SH3D19: variants seen among roughly 807,000 people sequenced by gnomAD.
SH3D19 encodes SH3 domain containing 19.
In SH3D19, 58 loss-of-function variants were observed where a neutral mutation model predicts 112.1. The ratio of observed to expected loss-of-function variants is 0.52; its 90% CI spans 0.42 to 0.64. The LOEUF is 0.64. Among genes scored for constraint, SH3D19 ranks in the 30% least tolerant of loss-of-function variants. The pLI, the probability that SH3D19 is intolerant of heterozygous loss-of-function variation, is 0.00. For missense variants in SH3D19, 1,090 were observed against 1,263.4 expected, an observed-to-expected ratio of 0.86 and a Z score of 2.08; for synonymous variants, 391 against 448.5, an observed-to-expected ratio of 0.87 and a Z score of 1.62.
intron 8 of SH3D19, among the ~76,000 whole-genome samples, chr4:151,162,811 G>T (rs1219009547): frequency 6.6e-6 from 1 of 152,120 alleles, no homozygotes; most frequent in South Asian, 2.1e-4. Flanking sequence ...CTGACCTCAC[G>T]TGATCCACTT....
At chr4:151,287,373 T>C (rs1222764547) in intron 1 of SH3D19, among the ~76,000 whole-genome samples, 3 of 147,736 alleles carry the variant, frequency 2.0e-5, no homozygotes, top group Non-Finnish European at 4.5e-5. Context: ...AGGGAACACT[T>C]CCCAACTCAT....
intron 8 of SH3D19, among the ~76,000 whole-genome samples, chr4:151,163,535 T>C (rs904136518): frequency 6.6e-6 from 1 of 151,902 alleles, no homozygotes; most frequent in Non-Finnish European, 1.5e-5. Flanking sequence ...ATTTGTGGGC[T>C]ATATAATATT....
chr4:151,166,545 A>G (rs1049106774), intron 7 of SH3D19, among the ~76,000 whole-genome samples: 2 of 152,136 alleles, frequency 1.3e-5, no homozygotes, highest in Non-Finnish European at 1.5e-5. Context: ...ACAAAAATAA[A>G]AGAAAATGCT....
At chr4:151,159,878 C>T (rs1241147389) in intron 8 of SH3D19, among the ~76,000 whole-genome samples, 1 of 152,136 alleles carries the variant, frequency 6.6e-6, no homozygotes, top group East Asian at 1.9e-4. Flanking sequence ...CACAGTGCTA[C>T]ACTAGATAAT....
intron 1 of SH3D19, among the ~76,000 whole-genome samples, chr4:151,271,861 T>C (rs1166012738): frequency 2.0e-5 from 3 of 152,248 alleles, no homozygotes; most frequent in East Asian, 1.9e-4. Flanking sequence ...GATATTATTA[T>C]TCCTATTTTG....
intron 13 of SH3D19, among the ~76,000 whole-genome samples, chr4:151,138,696 A>T (rs1421753839): frequency 2.6e-5 from 3 of 115,374 alleles, no homozygotes; most frequent in African/African-American, 1.5e-4. Context: ...TCACACACAC[A>T]CACACACACA....
intron 1 of SH3D19, among the ~76,000 whole-genome samples, chr4:151,278,274 A>AT (rs571100331): frequency 1.9e-4 from 29 of 148,738 alleles, no homozygotes; most frequent in African/African-American, 4.7e-4. Flanking sequence ...TTCATAGAGC[A>AT]TTTTTTTTTT....
intron 1 of SH3D19, chr4:151,291,450 A>G (rs764953649): frequency 5.0e-6 from 8 of 1,597,820 alleles, no homozygotes; most frequent in Non-Finnish European, 6.9e-6. Context: ...CCAGGGGCAG[A>G]TAACTCACAG....
Position 151,122,066 on chromosome 4 carries a change from C to G in SH3D19, c.*25G>C, listed in dbSNP as rs1220027023. 1 of 1,198,012 alleles carries G rather than the reference C, an allele frequency of 8.3e-7. No individual in the cohort carries two copies. The highest frequency in any genetic ancestry group is 1.2e-6 in the Non-Finnish European group (1 of 810,544). 74.2% of individuals were successfully genotyped at this position (1,198,012 alleles called of 1,614,324 possible). A position where few individuals can be genotyped will look rare whatever the true frequency, so the allele number is the denominator to read the frequency against. ...TGATAGTTCAAGTGAGTTCTTGTGC[C>G]AAGGAACACAGACAAGCTTCTCCTC... is the stretch of plus-strand genomic sequence containing the variant. On this transcript the variant is annotated 3_prime_UTR_variant, in exon 20 of 20. Transcript: ENST00000604030.
intron 1 of SH3D19, among the ~76,000 whole-genome samples, chr4:151,275,331 C>T (rs745465809): frequency 6.6e-6 from 1 of 152,182 alleles, no homozygotes; most frequent in Non-Finnish European, 1.5e-5. Context: ...TCGTGACCCA[C>T]CCGCCTCGGC....
intron 1 of SH3D19, among the ~76,000 whole-genome samples, chr4:151,279,554 C>G (rs1476929060): frequency 6.6e-6 from 1 of 152,020 alleles, no homozygotes; most frequent in Admixed American, 6.6e-5. Flanking sequence ...TTAATGATAC[C>G]CTATTTCTTC....
At position 151,189,145 on chromosome 4, in the gene SH3D19, G is replaced by A. The variant is rs28579813; in HGVS notation, c.153-1682C>T. Among the ~76,000 whole-genome samples, 1,027 of 151,998 alleles carry A rather than the reference G, an allele frequency of 6.8e-3. 6 individuals are homozygous for A. The highest frequency in any genetic ancestry group is 0.024 in the African/African-American group (989 of 41,440). On this transcript the variant is annotated intron_variant, in intron 2 of 19. Coordinates refer to ENST00000604030, the MANE Select transcript of SH3D19 (RefSeq NM_001378122.1). ...TTTTTTAATTTTTAGACAGAGTCTC[G>A]CTCTGTCGCCCAGGGTGGAGTGCAG...
At chr4:151,148,703 G>C (rs886808224) in intron 10 of SH3D19, among the ~76,000 whole-genome samples, 1 of 152,152 alleles carries the variant, frequency 6.6e-6, no homozygotes, top group African/African-American at 2.4e-5. Flanking sequence ...TGAAAGGATA[G>C]GACAACTATT....
chr4:151,286,899 G>C (rs571553256), intron 1 of SH3D19, among the ~76,000 whole-genome samples: 1 of 151,768 alleles, frequency 6.6e-6, no homozygotes, highest in Non-Finnish European at 1.5e-5. Flanking sequence ...AGAATCACTT[G>C]AATCTGGGAG....
intron 9 of SH3D19, among the ~76,000 whole-genome samples, chr4:151,156,749 T>A (rs1756180806): frequency 6.6e-6 from 1 of 152,132 alleles, no homozygotes; most frequent in African/African-American, 2.4e-5. Context: ...GACATTGGTC[T>A]TAAAAAAGAT....
chr4:151,225,863 G>A (rs1412887977), intron 2 of SH3D19, among the ~76,000 whole-genome samples, 184 bp downstream of exon 2: 1 of 152,144 alleles, frequency 6.6e-6, no homozygotes, highest in Non-Finnish European at 1.5e-5. Flanking sequence ...TTTCCAGGTA[G>A]TCAATAGTTT....
chr4:151,209,664 C>T (rs1289995385), intron 2 of SH3D19, among the ~76,000 whole-genome samples: 1 of 152,186 alleles, frequency 6.6e-6, no homozygotes, highest in Non-Finnish European at 1.5e-5. Context: ...TTTTAAAATT[C>T]ACTTTGGATC....
At chr4:151,213,982 G>T (rs1436426098) in intron 2 of SH3D19, among the ~76,000 whole-genome samples, 16 of 150,832 alleles carry the variant, frequency 1.1e-4, no homozygotes, top group Middle Eastern at 3.4e-3. Flanking sequence ...GTGAACAAAG[G>T]TCTCTGGTTT....
intron 8 of SH3D19, among the ~76,000 whole-genome samples, chr4:151,161,154 G>T (rs1161222287): frequency 6.6e-6 from 1 of 152,082 alleles, no homozygotes; most frequent in Non-Finnish European, 1.5e-5. Context: ...AGTCAGGGAA[G>T]GTCTCTGAGA....
Sources: gnomAD v4.1 joint callset for allele counts (sites outside exome capture counted in the v4.1 genomes callset) on GRCh38, gnomAD v4.1.1 for gene constraint, MANE v1.5 for transcripts, NCBI Gene and HGNC (gene_info 2026-07-23, HGNC 2026-07-21) for gene names.